IQCH: variants seen among roughly 807,000 people sequenced by gnomAD.
The protein encoded by IQCH is IQ motif containing H.
Under a neutral mutation model 117.0 loss-of-function variants are expected in IQCH, and 98 were observed. The ratio of observed to expected loss-of-function variants is 0.84; its 90% confidence interval spans 0.71 to 0.99. The LOEUF is 0.99. Among genes scored for constraint, IQCH ranks in the 50% least tolerant of loss-of-function variants. The probability of loss-of-function intolerance (pLI) is 0.00; values close to 1 mark genes in which losing one functional copy is unlikely to be tolerated. For missense variants in IQCH, 1,102 were observed against 1,243.8 expected (o/e 0.89, Z 1.72); for synonymous variants, 412 against 448.2 (o/e 0.92, Z 1.02).
intron 20 of IQCH, among the ~76,000 whole-genome samples, chr15:67,497,603 G>A (rs2083857239): frequency 1.3e-5 from 2 of 151,908 alleles, no homozygotes; most frequent in Admixed American, 1.3e-4. Flanking sequence ...AAGCAATTCG[G>A]CTGCCTCAGC....
intron 4 of IQCH, among the ~76,000 whole-genome samples, chr15:67,315,893 A>G (rs1256086798): frequency 6.6e-6 from 1 of 152,190 alleles, no homozygotes; most frequent in Non-Finnish European, 1.5e-5. Flanking sequence ...CTGAGTAATT[A>G]TACTATCCAG....
chr15:67,417,126 C>A lies in IQCH; in HGVS notation c.2218+75C>A. Reference sequence around the variant, plus strand: ...GATTCTAGTTTTGGGTCAACTGGGGCCAATTTAAATACTTTGCATCTCCTG... The same window carrying A: ...GATTCTAGTTTTGGGTCAACTGGGGACAATTTAAATACTTTGCATCTCCTG... On this transcript the variant is annotated intron_variant, in intron 15 of 20. Coordinates refer to ENST00000335894, the MANE Select transcript of IQCH (RefSeq NM_001031715.3). This position sits in a 1 kb window ranked among gnomAD's most constrained non-coding sequence, Gnocchi z 4.3. 2 of 1,309,234 alleles carry A rather than the reference C, an allele frequency of 1.5e-6. No individual in the cohort carries two copies. Among genetic ancestry groups the A allele is most frequent in the South Asian group, 1.7e-5 (1 of 59,118 alleles). 81.1% of individuals were successfully genotyped at this position (1,309,234 alleles called of 1,614,324 possible).
chr15:67,392,419 C>T (rs1881925350), intron 12 of IQCH, among the ~76,000 whole-genome samples: 2 of 152,176 alleles, frequency 1.3e-5, no homozygotes, highest in South Asian at 4.1e-4. Flanking sequence ...CAGGTGTTAT[C>T]ACTGGCCATT....
intron 6 of IQCH, among the ~76,000 whole-genome samples, chr15:67,344,785 G>A (rs1030499369): frequency 6.6e-6 from 1 of 152,208 alleles, no homozygotes; most frequent in African/African-American, 2.4e-5. Flanking sequence ...ACAGTCCAAA[G>A]TGAAGGCTAT....
rs144346223 is a variant in IQCH, at chr15:67,282,017, G to A, written c.387+2505G>A. 327 of 310,438 alleles carry A rather than the reference G, an allele frequency of 1.1e-3. 1 individual carries two copies. Among genetic ancestry groups the A allele is most frequent in the African/African-American group, 4.6e-3 (210 of 45,940 alleles). 19.2% of individuals were successfully genotyped at this position (310,438 alleles called of 1,614,324 possible). A position where few individuals can be genotyped will look rare whatever the true frequency, so the allele number is the denominator to read the frequency against. Reference sequence around the variant, plus strand: ...GTGTGCCCAGGATTATTAGAGGCACGCTGGGCTGAATAAGACAGATCAGAT... The same window carrying A: ...GTGTGCCCAGGATTATTAGAGGCACACTGGGCTGAATAAGACAGATCAGAT... On this transcript the variant is annotated intron_variant, in intron 4 of 20. Coordinates refer to ENST00000335894, the MANE Select transcript of IQCH (RefSeq NM_001031715.3).
At chr15:67,480,344 A>G (rs1464581211) in intron 18 of IQCH, among the ~76,000 whole-genome samples, 1 of 152,224 alleles carries the variant, frequency 6.6e-6, no homozygotes, top group Non-Finnish European at 1.5e-5. Context: ...CTTGTTATGC[A>G]GAAGCCTGTA....
chr15:67,386,783 G>A lies in IQCH; in HGVS notation c.1456+1764G>A, dbSNP rs6494653. Among the ~76,000 whole-genome samples, 151,274 of 152,246 alleles carry A rather than the reference G, an allele frequency of 0.99. 75,164 individuals carry two copies. Among genetic ancestry groups the A allele is most frequent in the Non-Finnish European group, 1 (68,026 of 68,026 alleles). On this transcript the variant is annotated intron_variant, in intron 11 of 20. Transcript: ENST00000335894. This position sits in a 1 kb window ranked among gnomAD's most constrained non-coding sequence, Gnocchi z 5.0. The stretch of plus-strand genomic sequence containing the variant: ...AGCAATCAAAGAAAGTTTCATCTTC[G>A]TATCAATTCCTTTCCAAAATTACCT...
rs111370208 is a variant in IQCH, at chr15:67,342,110, TAA to T, written c.509-1942_509-1941del. Among the ~76,000 whole-genome samples, 7 of 141,898 alleles carry T rather than the reference TAA, an allele frequency of 4.9e-5. No homozygotes were observed. The highest frequency in any genetic ancestry group is 5.2e-5 in the African/African-American group (2 of 38,550). 93.1% of individuals were successfully genotyped at this position (141,898 alleles called of 152,430 possible). On this transcript the variant is annotated intron_variant, in intron 5 of 20. Coordinates refer to ENST00000335894, the MANE Select transcript of IQCH (RefSeq NM_001031715.3). This position sits in a 1 kb window ranked among gnomAD's most constrained non-coding sequence, Gnocchi z 4.7. The stretch of plus-strand genomic sequence containing the variant: ...ATATAGCAAGACCTAGTCTCTACAT[TAA>T]AAAAAAAAAAGCCAGACATGATGGT...
At chr15:67,420,960 A>G (rs1350778651) in intron 15 of IQCH, among the ~76,000 whole-genome samples, 1 of 152,208 alleles carries the variant, frequency 6.6e-6, no homozygotes, top group Non-Finnish European at 1.5e-5. Context: ...TTTGACCATA[A>G]TTCTTGGGTT....
In IQCH at chr15:67,426,281, A is replaced by G. The variant is rs1407317775; in HGVS notation, c.2505+4704A>G. On this transcript the variant is annotated intron_variant, in intron 16 of 20. Coordinates refer to ENST00000335894, the MANE Select transcript of IQCH (RefSeq NM_001031715.3). This position sits in a 1 kb window ranked among gnomAD's most constrained non-coding sequence, Gnocchi z 5.1. ...TATATGCATATAAACACACATATGT[A>G]CATATACATACATCTGTGCATCTAT... Among the ~76,000 whole-genome samples, 2 of 152,238 alleles carry G rather than the reference A, an allele frequency of 1.3e-5. No individual in the cohort carries two copies. Among genetic ancestry groups the G allele is most frequent in the Non-Finnish European group, 2.9e-5 (2 of 68,052 alleles).
intron 10 of IQCH, 191 bp downstream of exon 10, chr15:67,373,624 TA>T (rs949995745): frequency 3.0e-6 from 2 of 668,158 alleles, no homozygotes; most frequent in East Asian, 5.4e-5. Context: ...ATTAAGCAAA[TA>T]AAGTCATTAT....
chr15:67,346,865 T>A (rs1969417556), intron 6 of IQCH, among the ~76,000 whole-genome samples: 1 of 152,098 alleles, frequency 6.6e-6, no homozygotes, highest in Non-Finnish European at 1.5e-5. Context: ...TCTCTGACCT[T>A]AACAGAATTA....
In IQCH at chr15:67,443,439, G is replaced by A. The variant is rs188230109; in HGVS notation, c.2506-21688G>A. On this transcript the variant is annotated intron_variant, in intron 16 of 20. Coordinates refer to ENST00000335894, the MANE Select transcript of IQCH (RefSeq NM_001031715.3). The surrounding 1 kb of genome is among the most constrained non-coding windows in gnomAD (Gnocchi z 5.0). ...GGGGACTTGGGGGAAAGAGTGGGAG[G>A]GGGTGAGGGACAAAAGACCACAAAT... Among the ~76,000 whole-genome samples the A allele has an allele frequency of 6.6e-6, 1 of 151,820 alleles. No homozygotes were observed. Among genetic ancestry groups the A allele is most frequent in the African/African-American group, 2.4e-5 (1 of 41,316 alleles).
chr15:67,308,591 C>T (rs1967425365), intron 4 of IQCH, among the ~76,000 whole-genome samples: 1 of 152,100 alleles, frequency 6.6e-6, no homozygotes, highest in Admixed American at 6.6e-5. Flanking sequence ...CTTCAGGTTG[C>T]TTAGAAAGAG....
chr15:67,469,127 C>CTT lies in IQCH; in HGVS notation c.2676+3838_2676+3839dup, dbSNP rs11407790. ...TAGACTTCTACCAAGAATATTTTGT[C>CTT]TTTTTTTTTCTCCTGTTTTACTAGA... On this transcript the variant is annotated intron_variant, in intron 17 of 20. Transcript: ENST00000335894. Among the ~76,000 whole-genome samples the CTT allele has an allele frequency of 5.8e-4, 88 of 151,004 alleles. 2 individuals are homozygous for CTT. The highest frequency in any genetic ancestry group is 5.8e-3 in the East Asian group (30 of 5,150).
chr15:67,464,003 C>T (rs924964238), intron 16 of IQCH, among the ~76,000 whole-genome samples: 1 of 152,146 alleles, frequency 6.6e-6, no homozygotes, highest in Non-Finnish European at 1.5e-5. Context: ...CCACCTTGCC[C>T]AGCTAACTTT....
intron 4 of IQCH, 41 bp downstream of exon 4, chr15:67,279,553 T>C: frequency 8.4e-7 from 1 of 1,193,154 alleles, no homozygotes; most frequent in Non-Finnish European, 1.2e-6. Context: ...AGTAGTTTAG[T>C]GATTGCCAGG....
chr15:67,486,966 G>A (rs1346704106), intron 18 of IQCH, among the ~76,000 whole-genome samples: 4 of 152,186 alleles, frequency 2.6e-5, no homozygotes, highest in Non-Finnish European at 2.9e-5. Context: ...AGTAAGGGAT[G>A]CAAGAGATGT....
chr15:67,289,772 C>A (rs1421628952), intron 4 of IQCH, among the ~76,000 whole-genome samples: 1 of 152,092 alleles, frequency 6.6e-6, no homozygotes, highest in East Asian at 1.9e-4. Context: ...AAGATGGGAT[C>A]TCTCAAAGAG....
Sources: allele counts gnomAD v4.1 joint callset (sites outside exome capture counted in the v4.1 genomes callset), GRCh38; gene constraint gnomAD v4.1.1; non-coding constraint Gnocchi (gnomAD v3.1); transcripts MANE v1.5; gene names NCBI Gene and HGNC (gene_info 2026-07-23, HGNC 2026-07-21).